ENO4: variants seen among roughly 807,000 people sequenced by gnomAD.
ENO4 encodes enolase 4.
A neutral mutation model predicts 63.2 loss-of-function variants in ENO4; 53 were observed. That is an observed-to-expected ratio of 0.84 (90% CI 0.67 to 1.05). The LOEUF (loss-of-function observed/expected upper bound fraction) is 1.05. Ranked by LOEUF, ENO4 falls within the 50% of genes least tolerant of loss-of-function variation. The probability of loss-of-function intolerance (pLI) is 0.00; values close to 1 mark genes in which losing one functional copy is unlikely to be tolerated. For synonymous variants in ENO4, 266 were observed against 283.8 expected (o/e 0.94, Z 0.63); for missense variants, 719 against 772.0 (o/e 0.93, Z 0.81).
intron 10 of ENO4, among the ~76,000 whole-genome samples, chr10:116,888,789 G>A (rs1391184560): frequency 6.6e-6 from 1 of 152,204 alleles, no homozygotes; most frequent in East Asian, 1.9e-4. Context: ...CCTTCCGAGG[G>A]TTAAAAAAAA....
At chr10:116,876,023 G>A in intron 10 of ENO4, 42 bp from the exon 11 acceptor site, 3 of 1,371,862 alleles carry the variant, frequency 2.2e-6, no homozygotes, top group Non-Finnish European at 2.9e-6. Flanking sequence ...TTGTAATTAT[G>A]TTCAATGCAT....
chr10:116,901,043 A>G, intron 10 of ENO4: 2 of 985,428 alleles, frequency 2.0e-6, no homozygotes, highest in Non-Finnish European at 1.2e-6. Flanking sequence ...AGGTTTAATT[A>G]ACCATGATTA....
At chr10:116,886,697 T>C (rs1012645995), downstream of ENO4, 3 of 1,226,548 alleles carry the variant, frequency 2.4e-6, no homozygotes, top group Non-Finnish European at 3.4e-6. Context: ...ATAGTAGTCT[T>C]TGAGATGCCA....
intron 10 of ENO4, among the ~76,000 whole-genome samples, chr10:116,875,561 T>TCACACACCACACACACACACACA (rs1554902988): frequency 6.8e-6 from 1 of 147,908 alleles, no homozygotes; most frequent in Non-Finnish European, 1.5e-5. Context: ...TCCAGGCTGG[T>TCACACACCACACACACACACACA]CACACACACA....
At chr10:116,903,169 T>G (rs1847815280) in intron 10 of ENO4, among the ~76,000 whole-genome samples, 1 of 152,226 alleles carries the variant, frequency 6.6e-6, no homozygotes, top group Non-Finnish European at 1.5e-5. Flanking sequence ...TTAGTTTCTA[T>G]CTTCCCCATT....
intron 10 of ENO4, chr10:116,901,592 ATC>A: frequency 1.0e-6 from 1 of 985,386 alleles, no homozygotes; most frequent in Non-Finnish European, 1.2e-6. Flanking sequence ...TCTGAATGAG[ATC>A]TCTTAGCTAG....
At chr10:116,911,972 T>C, downstream of ENO4, 1 of 690,580 alleles carries the variant, frequency 1.4e-6, no homozygotes, top group Non-Finnish European at 2.5e-6. Flanking sequence ...ATTTTTAAAT[T>C]AGGACTATGT....
intron 9 of ENO4, among the ~76,000 whole-genome samples, chr10:116,872,856 C>T (rs1170517125): frequency 1.3e-5 from 2 of 152,044 alleles, no homozygotes; most frequent in East Asian, 3.9e-4. Flanking sequence ...TATAAAAGAG[C>T]CCTAAATTTT....
intron 10 of ENO4, among the ~76,000 whole-genome samples, chr10:116,888,760 A>G (rs1343375335): frequency 6.6e-6 from 1 of 152,218 alleles, no homozygotes; most frequent in Non-Finnish European, 1.5e-5. Context: ...AAGCTATAAC[A>G]GAGCCTGCCC....
At chr10:116,890,638 G>A (rs1303314538) in intron 10 of ENO4, among the ~76,000 whole-genome samples, 1 of 152,212 alleles carries the variant, frequency 6.6e-6, no homozygotes, top group Non-Finnish European at 1.5e-5. Context: ...AATATACCAA[G>A]TTATGCCACT....
chr10:116,897,688 A>T (rs887206009), intron 10 of ENO4, among the ~76,000 whole-genome samples: 1 of 152,196 alleles, frequency 6.6e-6, no homozygotes, highest in Non-Finnish European at 1.5e-5. Flanking sequence ...CAGGGCAGGC[A>T]TTACTACCAT....
chr10:116,869,941 ATTTAC>A (rs1019568421), intron 8 of ENO4, among the ~76,000 whole-genome samples: 3 of 152,158 alleles, frequency 2.0e-5, no homozygotes, highest in African/African-American at 7.2e-5. Flanking sequence ...GAGTAAATGT[ATTTAC>A]TTTATGTAAT....
In ENO4 at chr10:116,900,583, G is replaced by A. The variant is rs1223643156; in HGVS notation, c.1195-10916G>A. 7.8e-6 allele frequency: 12 copies of A among 1,530,710 alleles called. No individual in the cohort carries two copies. The African/African-American group carries it at 1.4e-4, about 17-fold the overall frequency. 94.8% of individuals were successfully genotyped at this position (1,530,710 alleles called of 1,614,324 possible). A position where few individuals can be genotyped will look rare whatever the true frequency, so the allele number is the denominator to read the frequency against. On this transcript the variant is annotated intron_variant, in intron 10 of 10. Coordinates refer to the ENO4 transcript ENST00000369207. ...GGAGAAAAATCTATACACACACACTGAAGCATTTATCAGAAACTAACTTGT... is the reference window on the plus strand; with the variant it reads ...GGAGAAAAATCTATACACACACACTAAAGCATTTATCAGAAACTAACTTGT...
At chr10:116,896,307 G>A (rs193297694) in intron 10 of ENO4, among the ~76,000 whole-genome samples, 4 of 152,204 alleles carry the variant, frequency 2.6e-5, no homozygotes, top group Non-Finnish European at 5.9e-5. Flanking sequence ...GATGTATACT[G>A]GGTTTTCTTA....
chr10:116,868,841 C>T (rs556527257), intron 8 of ENO4, 135 bp downstream of exon 8: 2 of 753,688 alleles, frequency 2.7e-6, no homozygotes, highest in African/African-American at 1.7e-5. Context: ...TGATATTGCT[C>T]CAGACACCCC....
chr10:116,849,694 C>A lies in ENO4; in HGVS notation c.128C>A (p.Thr43Asn). 1 of 1,544,506 alleles carries A rather than the reference C, an allele frequency of 6.5e-7. No individual in the cohort carries two copies. Among genetic ancestry groups the A allele is most frequent in the South Asian group, 1.2e-5 (1 of 83,254 alleles). The change falls in exon 1 of 14, where the codon ACC becomes AAC. Residue 43 changes from threonine to asparagine, a missense_variant. Thr to Asn is a moderately conservative substitution (Grantham distance 65). Transcript: ENST00000341276. ...AGGCTGGAAGAGCTGCTCAACTCCA[C>A]CTTCTACCTCCAGCCTGCCGACGTC... is the stretch of plus-strand genomic sequence containing the variant. ...PRRLEELLNS[T>N]FYLQPADVYG...
chr10:116,876,127 A>C lies in ENO4; in HGVS notation c.1404A>C (p.Gly468=), dbSNP rs1414349502. ...ALGSRCYIIA[G]TASKSISKLL... is the part of the protein sequence containing the mutation. Reference sequence around the variant, plus strand: ...GTTCCAGGTGTTACATAATTGCAGGAACTGCTTCCAAAAGCATTTCTAAAC... The same window carrying C: ...GTTCCAGGTGTTACATAATTGCAGGCACTGCTTCCAAAAGCATTTCTAAAC... The change falls in exon 11 of 14, where the codon GGA becomes GGC. Residue 468 remains glycine (G), a synonymous_variant. Coordinates refer to ENST00000341276, the MANE Select transcript of ENO4 (RefSeq NM_001242699.2). 2 of 1,550,920 alleles carry C rather than the reference A, an allele frequency of 1.3e-6. No homozygotes were observed.
intron 10 of ENO4, among the ~76,000 whole-genome samples, chr10:116,910,838 T>C (rs78988144): frequency 9.6e-4 from 147 of 152,342 alleles, no homozygotes; most frequent in Non-Finnish European, 1.9e-3. Flanking sequence ...CCACCACTGT[T>C]AGCCAGTGAT....
At chr10:116,895,805 G>A (rs1333791799) in intron 10 of ENO4, among the ~76,000 whole-genome samples, 1 of 152,214 alleles carries the variant, frequency 6.6e-6, no homozygotes, top group Non-Finnish European at 1.5e-5. Context: ...AGTTAGAAGT[G>A]TAATTTTGGG....
Sources: gnomAD v4.1 joint callset for allele counts (sites outside exome capture counted in the v4.1 genomes callset) on GRCh38, gnomAD v4.1.1 for gene constraint, MANE v1.5 for transcripts, NCBI Gene and HGNC (gene_info 2026-07-23, HGNC 2026-07-21) for gene names.